Variants in PARD3 observed in about 807,000 individuals in gnomAD.
PARD3 encodes the protein par-3 family cell polarity regulator.
A neutral mutation model predicts 155.4 loss-of-function variants in PARD3; 75 were observed. That is an observed-to-expected ratio of 0.48 (90% CI 0.40 to 0.58). The LOEUF (loss-of-function observed/expected upper bound fraction) is 0.58, where lower values mean the gene tolerates loss of function less well. PARD3 is among the 20% of genes least tolerant of loss of function. The pLI, the probability that PARD3 is intolerant of heterozygous loss-of-function variation, is 0.00. For synonymous variants in PARD3, 576 were observed against 610.5 expected (o/e 0.94, Z 0.83); for missense variants, 1,642 against 1,721.7 (o/e 0.95, Z 0.82).
chr10:34,441,893 T>C (rs2076483081), intron 5 of PARD3, among the ~76,000 whole-genome samples: 1 of 152,238 alleles, frequency 6.6e-6, no homozygotes, highest in Non-Finnish European at 1.5e-5. Flanking sequence ...AACAAGTCTC[T>C]TAAAAGGTTG....
intron 14 of PARD3, among the ~76,000 whole-genome samples, chr10:34,348,490 C>T (rs1041666965): frequency 1.3e-5 from 2 of 152,234 alleles, no homozygotes; most frequent in Non-Finnish European, 2.9e-5. Flanking sequence ...CTATAAAAGG[C>T]GTGCTTGATC....
At chr10:34,503,190 C>G (rs1375507764) in intron 3 of PARD3, among the ~76,000 whole-genome samples, 1 of 152,196 alleles carries the variant, frequency 6.6e-6, no homozygotes, top group Non-Finnish European at 1.5e-5. Flanking sequence ...ATACAATATT[C>G]TTTTCCAATT....
intron 20 of PARD3, among the ~76,000 whole-genome samples, chr10:34,301,661 C>G (rs1324471392): frequency 6.6e-6 from 1 of 152,122 alleles, no homozygotes; most frequent in East Asian, 1.9e-4. Context: ...CCCTCCAGTT[C>G]CCTCCAGGTA....
chr10:34,621,349 A>T (rs1334707815), intron 2 of PARD3, among the ~76,000 whole-genome samples: 2 of 152,012 alleles, frequency 1.3e-5, no homozygotes, highest in African/African-American at 4.8e-5. Context: ...GGTATGTGCC[A>T]CCACGCCCGG....
chr10:34,420,175 T>A (rs188115472), intron 5 of PARD3, among the ~76,000 whole-genome samples: 1 of 152,322 alleles, frequency 6.6e-6, no homozygotes, highest in African/African-American at 2.4e-5. Flanking sequence ...GCTAAATCAA[T>A]TTTTTAATAG....
At chr10:34,209,615 T>C (rs1951643432) in intron 22 of PARD3, among the ~76,000 whole-genome samples, 1 of 152,164 alleles carries the variant, frequency 6.6e-6, no homozygotes, top group Non-Finnish European at 1.5e-5. Context: ...CAGAGAGACA[T>C]AGGTTCAAAT....
In PARD3 at chr10:34,540,794, G is replaced by C. The variant is rs183435895; in HGVS notation, c.223-23635C>G. Among the ~76,000 whole-genome samples, 1,042 of 152,062 alleles carry C rather than the reference G, an allele frequency of 6.9e-3. 16 individuals carry two copies. Among genetic ancestry groups the C allele is most frequent in the African/African-American group, 0.023 (963 of 41,490 alleles). ...GAGATCCTGTCTCGGAGGGGACCGG[G>C]GGTGTAATCTTTTTACTTTCTGATT... On this transcript the variant is annotated intron_variant, in intron 2 of 24. Transcript: ENST00000374788.
intron 1 of PARD3, among the ~76,000 whole-genome samples, chr10:34,793,032 G>T (rs2134259583): frequency 6.6e-6 from 1 of 152,334 alleles, no homozygotes; most frequent in African/African-American, 2.4e-5. Context: ...ACAATGCCTG[G>T]GGCTGCAGCA....
chr10:34,346,213 A>G (rs921386523), intron 15 of PARD3: 20 of 1,150,830 alleles, frequency 1.7e-5, no homozygotes, highest in East Asian at 6.4e-5. Flanking sequence ...ACCGAAGAGG[A>G]CTAATGAAGC....
intron 19 of PARD3, among the ~76,000 whole-genome samples, chr10:34,322,838 T>C (rs1354113896): frequency 6.6e-6 from 1 of 152,202 alleles, no homozygotes; most frequent in Non-Finnish European, 1.5e-5. Context: ...TGAACTACCT[T>C]AGAATTAGGA....
chr10:34,494,485 G>C (rs537792426), intron 3 of PARD3, among the ~76,000 whole-genome samples: 6 of 152,300 alleles, frequency 3.9e-5, no homozygotes, highest in East Asian at 3.9e-4. Flanking sequence ...ATTACTAAAC[G>C]ATCACTTGAC....
chr10:34,811,662 T>C (rs1844194594), intron 1 of PARD3, among the ~76,000 whole-genome samples: 1 of 152,230 alleles, frequency 6.6e-6, no homozygotes, highest in Admixed American at 6.5e-5. Flanking sequence ...TTATATATTC[T>C]TCCTGTCTCC....
chr10:34,616,257 C>T (rs537575992), intron 2 of PARD3, among the ~76,000 whole-genome samples: 13 of 152,126 alleles, frequency 8.5e-5, no homozygotes, highest in African/African-American at 3.1e-4. Flanking sequence ...GTGGACTTTG[C>T]AGTGAGCTAA....
At chr10:34,439,898 T>TA (rs1468232548) in intron 5 of PARD3, among the ~76,000 whole-genome samples, 1 of 152,016 alleles carries the variant, frequency 6.6e-6, no homozygotes, top group African/African-American at 2.4e-5. Context: ...CACAATCTCC[T>TA]ACCGCCATTA....
chr10:34,600,101 G>A (rs796145969), intron 2 of PARD3, among the ~76,000 whole-genome samples: 86 of 151,664 alleles, frequency 5.7e-4, no homozygotes, highest in African/African-American at 2.1e-3. Context: ...TTGGGAGGCC[G>A]AGGCAGGTGG....
At chr10:34,754,312 T>G (rs928262501) in intron 1 of PARD3, among the ~76,000 whole-genome samples, 117 of 152,314 alleles carry the variant, frequency 7.7e-4, no homozygotes, top group Middle Eastern at 3.4e-3. Context: ...GGCCTGGAAT[T>G]TTTTATACTG....
intron 2 of PARD3, among the ~76,000 whole-genome samples, chr10:34,642,598 C>T (rs1462067552): frequency 6.6e-6 from 1 of 152,082 alleles, no homozygotes; most frequent in African/African-American, 2.4e-5. Context: ...CACCCCCACT[C>T]GGCATGCCCC....
At chr10:34,129,306 C>A (rs989032768) in intron 23 of PARD3, among the ~76,000 whole-genome samples, 3 of 152,114 alleles carry the variant, frequency 2.0e-5, no homozygotes, top group African/African-American at 7.2e-5. Flanking sequence ...GCATGTGCCA[C>A]CAGGACTGGA....
At chr10:34,435,499 T>G (rs547010040) in intron 5 of PARD3, among the ~76,000 whole-genome samples, 1 of 152,326 alleles carries the variant, frequency 6.6e-6, no homozygotes, top group South Asian at 2.1e-4. Context: ...CAACAACCTT[T>G]CATGGTATGA....
Sources: gnomAD v4.1 joint callset for allele counts (sites outside exome capture counted in the v4.1 genomes callset) on GRCh38, gnomAD v4.1.1 for gene constraint, MANE v1.5 for transcripts, NCBI Gene and HGNC (gene_info 2026-07-23, HGNC 2026-07-21) for gene names.